The following LGALS16 variants were observed in gnomAD, a reference collection of about 807,000 sequenced individuals.
The protein encoded by LGALS16 is galectin 16, also known as galectin-16.
In LGALS16, 15 loss-of-function variants were observed where a neutral mutation model predicts 13.2. The observed-to-expected ratio is 1.13, with a 90% CI of 0.76 to 1.75. The LOEUF (loss-of-function observed/expected upper bound fraction) is 1.75. Among genes scored for constraint, LGALS16 ranks in the 40% most tolerant of loss-of-function variants. The pLI is 0.00. For synonymous variants in LGALS16, 66 were observed against 65.4 expected (o/e 1.01, Z -0.05); for missense variants, 198 against 178.4 (o/e 1.11, Z -0.63).
intron 1 of LGALS16, among the ~76,000 whole-genome samples, chr19:39,657,207 A>G (rs1041059438): frequency 6.6e-6 from 1 of 152,142 alleles, no homozygotes; most frequent in Non-Finnish European, 1.5e-5. Context: ...CAACGTTTCA[A>G]TGAGCTATGA....
chr19:39,657,215 T>G (rs1319794487), intron 1 of LGALS16, among the ~76,000 whole-genome samples: 1 of 152,154 alleles, frequency 6.6e-6, no homozygotes, highest in African/African-American at 2.4e-5. Flanking sequence ...CAATGAGCTA[T>G]GATCGCACCA....
chr19:39,658,814 C>G lies in LGALS16; in HGVS notation c.303+144C>G, dbSNP rs1166187479. 1.6e-5 allele frequency: 10 copies of G among 624,480 alleles called. No homozygotes were observed. In the East Asian group the frequency reaches 2.5e-4, roughly 16 times the overall value. The allele number at this position is 624,480 out of a possible 1,614,324, so 38.7% of individuals were successfully genotyped here. A position where few individuals can be genotyped will look rare whatever the true frequency, so the allele number is the denominator to read the frequency against. ...CCAGGTTTTCATCACAGAGCACCCTCTGCTTGCACTGCCGTCCTCAGCTCT... is the reference window on the plus strand; with the variant it reads ...CCAGGTTTTCATCACAGAGCACCCTGTGCTTGCACTGCCGTCCTCAGCTCT... On this transcript the variant is annotated intron_variant, in intron 3 of 3. Coordinates refer to ENST00000392051, the MANE Select transcript of LGALS16 (RefSeq NM_001190441.3).
At chr19:39,658,828 G>A (rs889466806) in intron 3 of LGALS16, among the ~76,000 whole-genome samples, 158 bp downstream of exon 3, 3 of 152,024 alleles carry the variant, frequency 2.0e-5, no homozygotes, top group Admixed American at 6.6e-5. Context: ...TTGCACTGCC[G>A]TCCTCAGCTC....
intron 3 of LGALS16, among the ~76,000 whole-genome samples, chr19:39,659,850 A>G (rs929339349): frequency 6.6e-5 from 10 of 152,228 alleles, no homozygotes; most frequent in Non-Finnish European, 1.3e-4. Context: ...ATCTTTTCCT[A>G]TGCTTAGAAG....
In LGALS16 at chr19:39,660,428, G is replaced by A. The variant is rs1338184738; in HGVS notation, c.337G>A (p.Val113Ile). ...AAATGGTGAATACATTTATGCCTTTGTCCATCGAATCCCGCCATCATATGT... is the reference window on the plus strand; with the variant it reads ...AAATGGTGAATACATTTATGCCTTTATCCATCGAATCCCGCCATCATATGT... Reference protein sequence around the residue: ...KVNGEYIYAFVHRIPPSYVKM... With the variant: ...KVNGEYIYAFIHRIPPSYVKM... The change falls in exon 4 of 4, where the codon GTC (valine) becomes ATC (isoleucine). Residue 113 changes from valine to isoleucine, a missense_variant. Physicochemically the swap from Val to Ile is conservative, Grantham distance 29 (BLOSUM62 3). Coordinates refer to ENST00000392051, the MANE Select transcript of LGALS16 (RefSeq NM_001190441.3). 6.5e-7 allele frequency: 1 copy of A among 1,541,096 alleles called. No individual in the cohort carries two copies. The highest frequency in any genetic ancestry group is 2.4e-5 in the East Asian group (1 of 41,142).
intron 1 of LGALS16, 105 bp downstream of exon 1, chr19:39,656,081 C>A: frequency 8.4e-7 from 1 of 1,197,360 alleles, no homozygotes; most frequent in Non-Finnish European, 1.2e-6. Flanking sequence ...ACTGTGAATG[C>A]TTTACTGAGA....
Position 39,657,901 on chromosome 19 carries a change from G to T in LGALS16, c.34G>T (p.Val12Leu), listed in dbSNP as rs1973212596. 6.2e-7 allele frequency: 1 copy of T among 1,613,978 alleles called. No homozygotes were observed. Among genetic ancestry groups the T allele is most frequent in the Non-Finnish European group, 8.5e-7 (1 of 1,180,002 alleles). Residue 12 changes from valine to leucine, a missense_variant, in exon 2 of 4, where the codon GTG becomes TTG. Val to Leu is a conservative substitution (Grantham distance 32). Coordinates refer to ENST00000392051, the MANE Select transcript of LGALS16 (RefSeq NM_001190441.3). ...SFLTVPYKLP[V>L]SLSVGSCVII... ...CTGGCAGGTGCCATACAAACTGCCT[G>T]TGTCTTTGTCTGTTGGTTCCTGCGT...
At chr19:39,657,987 G>A (rs1266304359) in intron 2 of LGALS16, 28 bp downstream of exon 2, 1 of 1,604,072 alleles carries the variant, frequency 6.2e-7, no homozygotes, top group Non-Finnish European at 8.5e-7. Flanking sequence ...CAATGGAGGG[G>A]GTGGAGGAGA....
chr19:39,658,625 C>T lies in LGALS16; in HGVS notation c.258C>T (p.Gly86=), dbSNP rs1287029564. 1.2e-6 allele frequency: 2 copies of T among 1,600,948 alleles called. No individual in the cohort carries two copies. The highest frequency in any genetic ancestry group is 1.1e-5 in the South Asian group (1 of 90,056). Residue 86 remains glycine (G), a synonymous_variant, in exon 3 of 4, where the codon GGC becomes GGT. Coordinates refer to ENST00000392051, the MANE Select transcript of LGALS16 (RefSeq NM_001190441.3). ...TACACTATGTGCCCTTTGAGGATGG[C>T]AAACCATTTGACTTGCGCATCTACG... The part of the protein sequence containing the change: ...ENLHYVPFED[G]KPFDLRIYVC...
intron 3 of LGALS16, among the ~76,000 whole-genome samples, chr19:39,659,881 T>C (rs771029581): frequency 3.3e-5 from 5 of 152,200 alleles, no homozygotes; most frequent in African/African-American, 2.4e-5. Flanking sequence ...TAATATCCTA[T>C]GTTATACAAG....
intron 1 of LGALS16, among the ~76,000 whole-genome samples, chr19:39,657,626 A>G (rs1973208205): frequency 6.6e-6 from 1 of 152,118 alleles, no homozygotes; most frequent in Non-Finnish European, 1.5e-5. Flanking sequence ...AAGTCAAGTA[A>G]CCGATCTAAG....
In LGALS16 at chr19:39,660,408, G is replaced by T; in HGVS notation, c.317G>T (p.Gly106Val). The T allele has an allele frequency of 6.5e-7, 1 of 1,540,560 alleles. No homozygotes were observed. Among genetic ancestry groups the T allele is most frequent in the Middle Eastern group, 1.7e-4 (1 of 5,990 alleles). Residue 106 changes from glycine to valine, a missense_variant, in exon 4 of 4, where the codon GGT becomes GTT. Gly to Val is a moderately radical substitution (Grantham distance 109). Coordinates refer to ENST00000392051, the MANE Select transcript of LGALS16 (RefSeq NM_001190441.3). ...TTCCTCTTAAAGGTAAAGGTAAATG[G>T]TGAATACATTTATGCCTTTGTCCAT... ...CHNEYEVKVN[G>V]EYIYAFVHRI...
intron 3 of LGALS16, 116 bp from the exon 4 acceptor site, chr19:39,660,279 C>T (rs1318608377): frequency 8.1e-6 from 8 of 987,694 alleles, no homozygotes; most frequent in Admixed American, 2.3e-5. Context: ...ACAACATTCG[C>T]TTGTATAACT....
intron 3 of LGALS16, among the ~76,000 whole-genome samples, chr19:39,659,451 T>G (rs976874712): frequency 6.6e-5 from 10 of 152,170 alleles, no homozygotes; most frequent in African/African-American, 2.4e-4. Flanking sequence ...AAGTAAATCC[T>G]GGTATGTTGC....
At chr19:39,657,270 T>C (rs568419094) in intron 1 of LGALS16, among the ~76,000 whole-genome samples, 1 of 152,148 alleles carries the variant, frequency 6.6e-6, no homozygotes, top group East Asian at 1.9e-4. Context: ...ATCTCAAAAA[T>C]ACAGAAAAAT....
intron 1 of LGALS16, among the ~76,000 whole-genome samples, chr19:39,656,358 T>C (rs745529708): frequency 3.2e-4 from 49 of 152,162 alleles, no homozygotes; most frequent in Non-Finnish European, 8.8e-5. Context: ...GACCAGTGCA[T>C]GGTCATCTTT....
chr19:39,658,032 G>A lies in LGALS16; in HGVS notation c.92+73G>A, dbSNP rs551596619. 10 of 1,551,068 alleles carry A rather than the reference G, an allele frequency of 6.4e-6. 1 individual carries two copies. The highest frequency in any genetic ancestry group is 8.8e-6 in the Non-Finnish European group (10 of 1,131,110). ...ATTTGCTAAGAGTTTGACCTTATGT[G>A]TGGGTGATGTGGAAATGTCTAATTG... On this transcript the variant is annotated intron_variant, in intron 2 of 3. Coordinates refer to ENST00000392051, the MANE Select transcript of LGALS16 (RefSeq NM_001190441.3).
chr19:39,658,451 T>C lies in LGALS16; in HGVS notation c.93-9T>C. The C allele has an allele frequency of 6.3e-7, 1 of 1,584,630 alleles. No homozygotes were observed. The highest frequency in any genetic ancestry group is 8.6e-7 in the Non-Finnish European group (1 of 1,167,352). On this transcript the variant is annotated splice_polypyrimidine_tract_variant and intron_variant, in intron 2 of 3. Transcript: ENST00000392051. ...AACCTGTCCAATATGCTGTGTGCTTTGCCCTCAGCAACGAACCACAGCTGC... is the reference window on the plus strand; with the variant it reads ...AACCTGTCCAATATGCTGTGTGCTTCGCCCTCAGCAACGAACCACAGCTGC...
chr19:39,660,230 A>T (rs1973243778), intron 3 of LGALS16, among the ~76,000 whole-genome samples, 165 bp from the exon 4 acceptor site: 1 of 152,206 alleles, frequency 6.6e-6, no homozygotes, highest in Non-Finnish European at 1.5e-5. Flanking sequence ...AACTGTCTCA[A>T]ATAGGCACAA....
Sources: allele counts gnomAD v4.1 joint callset (sites outside exome capture counted in the v4.1 genomes callset), GRCh38; gene constraint gnomAD v4.1.1; transcripts MANE v1.5; gene names NCBI Gene and HGNC (gene_info 2026-07-23, HGNC 2026-07-21).